Variants in PIN1 observed in about 807,000 individuals in gnomAD.
The protein encoded by PIN1 is peptidylprolyl cis/trans isomerase, NIMA-interacting 1, also known as peptidyl-prolyl cis-trans isomerase NIMA-interacting 1.
PIN1 carries 8 observed loss-of-function variants against 19.9 expected under a neutral mutation model. The observed-to-expected ratio is 0.40, with a 90% CI of 0.24 to 0.72. PIN1 has a LOEUF of 0.72. Among genes scored for constraint, PIN1 ranks in the 30% least tolerant of loss-of-function variants. PIN1 has a pLI of 0.37. For missense variants in PIN1, 185 were observed against 226.5 expected, an observed-to-expected ratio of 0.82 and a Z score of 1.18; for synonymous variants, 86 against 90.8, an observed-to-expected ratio of 0.95 and a Z score of 0.30.
chr19:9,842,382 C>T (rs2046176411), intron 2 of PIN1, among the ~76,000 whole-genome samples: 1 of 152,194 alleles, frequency 6.6e-6, no homozygotes, highest in East Asian at 1.9e-4. Context: ...GTTGCCTCAT[C>T]TGTAGAATGG....
chr19:9,836,747 G>A, intron 1 of PIN1: 1 of 982,216 alleles, frequency 1.0e-6, no homozygotes, highest in Non-Finnish European at 1.4e-6. Flanking sequence ...GCACGGTGTA[G>A]TAGCTAAGAG....
intron 1 of PIN1, chr19:9,835,639 T>G: frequency 4.2e-6 from 2 of 479,624 alleles, no homozygotes; most frequent in Non-Finnish European, 7.2e-6. Flanking sequence ...GTCCGGGGAG[T>G]CCGGGGCGAT....
chr19:9,840,545 C>T (rs915229445), intron 2 of PIN1, among the ~76,000 whole-genome samples: 4 of 152,238 alleles, frequency 2.6e-5, no homozygotes, highest in Non-Finnish European at 1.5e-5. Flanking sequence ...GCAGCTCTGC[C>T]ACGTCCTGGC....
chr19:9,837,005 T>C, intron 1 of PIN1: 1 of 484,632 alleles, frequency 2.1e-6, no homozygotes, highest in Non-Finnish European at 3.8e-6. Context: ...ATTATTATTT[T>C]TGGAGATGGT....
At chr19:9,844,312 G>A (rs1411190889) in intron 2 of PIN1, among the ~76,000 whole-genome samples, 5 of 152,118 alleles carry the variant, frequency 3.3e-5, no homozygotes, top group African/African-American at 9.7e-5. Flanking sequence ...TGGGAGCAGC[G>A]GTTACCCCAT....
intron 2 of PIN1, among the ~76,000 whole-genome samples, chr19:9,843,436 A>T (rs1398270626): frequency 6.6e-6 from 1 of 152,264 alleles, no homozygotes; most frequent in Non-Finnish European, 1.5e-5. Flanking sequence ...AAGGCAGAGG[A>T]GACAGCACGT....
chr19:9,848,279 C>T (rs2046242094), intron 3 of PIN1, 139 bp downstream of exon 3: 1 of 652,754 alleles, frequency 1.5e-6, no homozygotes, highest in Non-Finnish European at 2.8e-6. Flanking sequence ...GCCCCTTCCT[C>T]AGGCTTCAGA....
Position 9,838,348 on chromosome 19 carries a change from C to A in PIN1, c.59-88C>A. ...TTGAATGAAGGCGCCCCCTGCAAGC[C>A]AGGCCCTCACCCTGGCTTCTGGCTG... On this transcript the variant is annotated intron_variant, in intron 1 of 3. Transcript: ENST00000247970. This position sits in a 1 kb window ranked among gnomAD's most constrained non-coding sequence, Gnocchi z 5.8. The A allele has an allele frequency of 2.8e-6, 3 of 1,053,132 alleles. No individual in the cohort carries two copies. Among genetic ancestry groups the A allele is most frequent in the Non-Finnish European group, 4.3e-6 (3 of 693,756 alleles). 65.2% of individuals were successfully genotyped at this position (1,053,132 alleles called of 1,614,324 possible). A position where few individuals can be genotyped will look rare whatever the true frequency, so the allele number is the denominator to read the frequency against.
At chr19:9,844,088 C>T (rs2046195261) in intron 2 of PIN1, among the ~76,000 whole-genome samples, 2 of 152,142 alleles carry the variant, frequency 1.3e-5, no homozygotes, top group African/African-American at 4.8e-5. Context: ...GATCAGGGCC[C>T]CACCCTTATG....
At chr19:9,836,998 A>G (rs188271659) in intron 1 of PIN1, 6,890 of 509,560 alleles carry the variant, frequency 0.014, 67 homozygotes, top group Non-Finnish European at 0.018. Context: ...CTTTCTTATT[A>G]TTATTTTTGG....
At chr19:9,847,241 G>A (rs2046228120) in intron 2 of PIN1, among the ~76,000 whole-genome samples, 1 of 152,154 alleles carries the variant, frequency 6.6e-6, no homozygotes, top group Non-Finnish European at 1.5e-5. Context: ...ATGCTACTCT[G>A]CTGCCGTCTT....
At chr19:9,847,886 T>TGG (rs2145419297) in intron 2 of PIN1, 144 bp from the exon 3 acceptor site, 1 of 685,576 alleles carries the variant, frequency 1.5e-6, no homozygotes. Flanking sequence ...AGAGGGGTTG[T>TGG]GGGGAGCATG....
chr19:9,838,404 C>T lies in PIN1; in HGVS notation c.59-32C>T, dbSNP rs757576217. 1.3e-6 allele frequency: 2 copies of T among 1,555,690 alleles called. No individual in the cohort carries two copies. The highest frequency in any genetic ancestry group is 2.3e-5 in the South Asian group (2 of 85,458). ...CCAGGGGTGTCCTGGGAGCACAACC[C>T]TAGCTGAATTCCTGCCTGCCCTCCC... On this transcript the variant is annotated intron_variant, in intron 1 of 3. Coordinates refer to ENST00000247970, the MANE Select transcript of PIN1 (RefSeq NM_006221.4). The surrounding 1 kb of genome is among the most constrained non-coding windows in gnomAD (Gnocchi z 5.8).
In PIN1 at chr19:9,846,953, C is replaced by T. The variant is rs1177195562; in HGVS notation, c.272-1077C>T. Among the ~76,000 whole-genome samples, 1 of 152,144 alleles carries T rather than the reference C, an allele frequency of 6.6e-6. No individual in the cohort carries two copies. Among genetic ancestry groups the T allele is most frequent in the Admixed American group, 6.5e-5 (1 of 15,282 alleles). On this transcript the variant is annotated intron_variant, in intron 2 of 3. Coordinates refer to ENST00000247970, the MANE Select transcript of PIN1 (RefSeq NM_006221.4). The surrounding 1 kb of genome is among the most constrained non-coding windows in gnomAD (Gnocchi z 5.9). Reference sequence around the variant, plus strand: ...CGGGTGCAGTTCACCCAGAGGGCTGCCCTGGCTTGCTGGGGCTGTCGCACC... The same window carrying T: ...CGGGTGCAGTTCACCCAGAGGGCTGTCCTGGCTTGCTGGGGCTGTCGCACC...
intron 2 of PIN1, among the ~76,000 whole-genome samples, chr19:9,843,388 C>G (rs543467896): frequency 1.3e-5 from 2 of 152,390 alleles, no homozygotes; most frequent in South Asian, 4.1e-4. Flanking sequence ...CCTGGGCAGC[C>G]TGGGGGAAGT....
intron 2 of PIN1, among the ~76,000 whole-genome samples, chr19:9,844,313 G>A (rs1341569470): frequency 1.3e-5 from 2 of 152,156 alleles, no homozygotes; most frequent in Admixed American, 6.5e-5. Context: ...GGGAGCAGCG[G>A]TTACCCCATT....
In PIN1 at chr19:9,849,168, C is replaced by G; in HGVS notation, c.461C>G (p.Ser154Cys). Residue 154 changes from serine to cysteine, a missense_variant, in exon 4 of 4, where the codon TCC becomes TGC. By Grantham distance (112) the Ser-to-Cys change is moderately radical. Coordinates refer to ENST00000247970, the MANE Select transcript of PIN1 (RefSeq NM_006221.4). ...ATGAGCGGGCCCGTGTTCACGGATT[C>G]CGGCATCCACATCATCCTCCGCACT... ...GEMSGPVFTD[S>C]GIHIILRTE 1.2e-6 allele frequency: 2 copies of G among 1,613,012 alleles called. No individual in the cohort carries two copies. The highest frequency in any genetic ancestry group is 8.5e-7 in the Non-Finnish European group (1 of 1,179,468).
At position 9,849,249 on chromosome 19, in the gene PIN1, G is replaced by A. The variant is rs757081469; in HGVS notation, c.*50G>A. On this transcript the variant is annotated 3_prime_UTR_variant, in exon 4 of 4. Coordinates refer to ENST00000247970, the MANE Select transcript of PIN1 (RefSeq NM_006221.4). ...CGGGGCAGGGCAGGGCGGCTAGGCCGGCCAGCTCCCCCTTGCCCGCCAGCC... is the reference window on the plus strand; with the variant it reads ...CGGGGCAGGGCAGGGCGGCTAGGCCAGCCAGCTCCCCCTTGCCCGCCAGCC... 180 of 1,277,488 alleles carry A rather than the reference G, an allele frequency of 1.4e-4. No individual in the cohort carries two copies. Among genetic ancestry groups the A allele is most frequent in the Non-Finnish European group, 1.8e-4 (162 of 894,054 alleles). The allele number at this position is 1,277,488 out of a possible 1,614,324, so 79.1% of individuals were successfully genotyped here. A position where few individuals can be genotyped will look rare whatever the true frequency, so the allele number is the denominator to read the frequency against.
intron 1 of PIN1, chr19:9,837,098 A>T (rs2046115051): frequency 2.9e-6 from 1 of 346,240 alleles, no homozygotes; most frequent in African/African-American, 2.1e-5. Context: ...CAAGTAGCTG[A>T]GACCACAGGC....
Sources: gnomAD v4.1 joint callset for allele counts (sites outside exome capture counted in the v4.1 genomes callset) on GRCh38, gnomAD v4.1.1 for gene constraint, Gnocchi (gnomAD v3.1) non-coding constraint, MANE v1.5 for transcripts, NCBI Gene and HGNC (gene_info 2026-07-23, HGNC 2026-07-21) for gene names.